ATXN1: variants seen among roughly 807,000 people sequenced by gnomAD.
The protein encoded by ATXN1 is ataxin 1.
ATXN1 carries 8 observed loss-of-function variants against 56.4 expected under a neutral mutation model. The ratio of observed to expected loss-of-function variants is 0.14; its 90% CI spans 0.08 to 0.26. ATXN1 has a LOEUF of 0.26. Ranked by LOEUF, ATXN1 falls within the 10% of genes least tolerant of loss-of-function variation. ATXN1 has a pLI of 1.00. For synonymous variants in ATXN1, 514 were observed against 494.6 expected (o/e 1.04, Z -0.52); for missense variants, 987 against 1,106.5 (o/e 0.89, Z 1.53).
intron 6 of ATXN1, among the ~76,000 whole-genome samples, chr6:16,335,589 A>C (rs1761101813): frequency 6.6e-6 from 1 of 152,244 alleles, no homozygotes; most frequent in Non-Finnish European, 1.5e-5. Flanking sequence ...ATCATGAATA[A>C]GGAAGGACAG....
chr6:16,585,656 T>C (rs1762608115), intron 4 of ATXN1, 124 bp downstream of exon 4: 1 of 152,200 alleles, frequency 6.6e-6, no homozygotes, highest in Non-Finnish European at 1.5e-5. Context: ...TCTACATGAA[T>C]AGACATGTGT....
At chr6:16,434,139 C>T (rs1759342515) in intron 6 of ATXN1, among the ~76,000 whole-genome samples, 1 of 152,196 alleles carries the variant, frequency 6.6e-6, no homozygotes, top group Non-Finnish European at 1.5e-5. Context: ...CATGTGCACA[C>T]ATCAAAACAG....
intron 6 of ATXN1, among the ~76,000 whole-genome samples, chr6:16,460,926 A>T (rs990804026): frequency 2.6e-5 from 4 of 152,382 alleles, no homozygotes; most frequent in Admixed American, 2.0e-4. Context: ...TGCTTATCTA[A>T]TCCTACATGC....
At chr6:16,649,246 T>C (rs1015643095) in intron 3 of ATXN1, among the ~76,000 whole-genome samples, 2 of 152,074 alleles carry the variant, frequency 1.3e-5, no homozygotes, top group African/African-American at 4.8e-5. Context: ...TATTTTTTTC[T>C]CTTTTGGTAT....
chr6:16,733,456 G>A (rs535077807), intron 2 of ATXN1, among the ~76,000 whole-genome samples: 10 of 152,030 alleles, frequency 6.6e-5, no homozygotes, highest in African/African-American at 2.2e-4. Context: ...CCAGCTAATC[G>A]GGAGGCTGAG....
intron 2 of ATXN1, among the ~76,000 whole-genome samples, chr6:16,724,938 G>A (rs1759818217): frequency 6.6e-6 from 1 of 152,148 alleles, no homozygotes; most frequent in South Asian, 2.1e-4. Context: ...ACTATTACCA[G>A]CTTCACCAGA....
At chr6:16,620,706 C>T (rs1581301792) in intron 3 of ATXN1, among the ~76,000 whole-genome samples, 1 of 152,188 alleles carries the variant, frequency 6.6e-6, no homozygotes, top group East Asian at 1.9e-4. Flanking sequence ...AGGCTTTAGC[C>T]CTCCATGGCA....
Position 16,306,695 on chromosome 6 carries a change from A to G in ATXN1, c.2082T>C (p.Ser694=), listed in dbSNP as rs2113373589. The part of the protein sequence containing the change: ...SLTLKNLKNG[S]VKKGQPVDPA... ...GATCCACGGGCTGGCCCTTTTTAAC[A>G]GAGCCGTTCTTCAGGTTCTTGAGGG... The change falls in exon 8 of 8, where the codon TCT becomes TCC. Residue 694 remains serine, a synonymous_variant. Coordinates refer to ENST00000436367, the MANE Select transcript of ATXN1 (RefSeq NM_001128164.2). The surrounding 1 kb of genome is among the most constrained non-coding windows in gnomAD (Gnocchi z 5.2). 6.2e-7 allele frequency: 1 copy of G among 1,614,208 alleles called. No homozygotes were observed. The highest frequency in any genetic ancestry group is 2.2e-5 in the East Asian group (1 of 44,884).
intron 5 of ATXN1, among the ~76,000 whole-genome samples, chr6:16,522,392 G>A (rs1473885964): frequency 1.3e-5 from 2 of 152,102 alleles, no homozygotes; most frequent in South Asian, 4.1e-4. Flanking sequence ...GACCTCGCAC[G>A]AGGCAAAGCA....
intron 4 of ATXN1, among the ~76,000 whole-genome samples, chr6:16,529,304 G>T (rs1291468312): frequency 6.6e-6 from 1 of 151,424 alleles, no homozygotes; most frequent in Admixed American, 6.6e-5. Context: ...TGCCCAACAG[G>T]TGCCAGGCAA....
At chr6:16,734,445 G>GA (rs1047036938) in intron 2 of ATXN1, among the ~76,000 whole-genome samples, 6 of 152,150 alleles carry the variant, frequency 3.9e-5, no homozygotes, top group African/African-American at 1.4e-4. Flanking sequence ...AAAAAGAAGA[G>GA]AAAAAGGAGA....
Position 16,593,897 on chromosome 6 carries a change from CTAAT to C in ATXN1, c.-488-7994_-488-7991del, listed in dbSNP as rs200076642. Among the ~76,000 whole-genome samples the C allele has an allele frequency of 6.3e-3, 920 of 145,898 alleles. 8 individuals are homozygous for C. The highest frequency in any genetic ancestry group is 0.022 in the African/African-American group (889 of 39,838). On this transcript the variant is annotated intron_variant, in intron 3 of 7. Coordinates refer to ENST00000436367, the MANE Select transcript of ATXN1 (RefSeq NM_001128164.2). ...TATATATATAAAGGTTCTCAATAGA[CTAAT>C]ATATATATATATTAGTCTGGAGAGA...
At chr6:16,435,356 C>A (rs1312685401) in intron 6 of ATXN1, among the ~76,000 whole-genome samples, 1 of 152,030 alleles carries the variant, frequency 6.6e-6, no homozygotes, top group Non-Finnish European at 1.5e-5. Flanking sequence ...TCTAGCAGAA[C>A]ACTTAAGTGG....
At chr6:16,341,799 G>A (rs1275199451) in intron 6 of ATXN1, among the ~76,000 whole-genome samples, 2 of 151,708 alleles carry the variant, frequency 1.3e-5, no homozygotes, top group African/African-American at 2.4e-5. Context: ...GATTATAGGC[G>A]TGAGCCACCG....
At chr6:16,601,995 T>G (rs543239168) in intron 3 of ATXN1, among the ~76,000 whole-genome samples, 1 of 152,196 alleles carries the variant, frequency 6.6e-6, no homozygotes, top group Non-Finnish European at 1.5e-5. Context: ...TCTCAAATCA[T>G]AAATCTTAAA....
At chr6:16,743,916 T>C (rs1242529471) in intron 2 of ATXN1, among the ~76,000 whole-genome samples, 1 of 152,008 alleles carries the variant, frequency 6.6e-6, no homozygotes, top group African/African-American at 2.4e-5. Context: ...GCTGGAGAGA[T>C]AAGGAAGGTC....
chr6:16,322,524 A>G (rs1760678592), intron 7 of ATXN1, among the ~76,000 whole-genome samples: 2 of 152,054 alleles, frequency 1.3e-5, no homozygotes, highest in Non-Finnish European at 2.9e-5. Flanking sequence ...AACTTCCCCA[A>G]TCAAATTTGT....
Position 16,327,678 on chromosome 6 carries a change from A to ATGCTGCTGC in ATXN1, c.632_633insGCAGCAGCA (p.Gln210_His211insGlnGlnGln), listed in dbSNP as rs1554138052. The ATGCTGCTGC allele has an allele frequency of 1.2e-4, 122 of 1,011,252 alleles. No homozygotes were observed. The African/African-American group carries it at 1.3e-3, about 11-fold the overall frequency. The allele number at this position is 1,011,252 out of a possible 1,614,324, so 62.6% of individuals were successfully genotyped here. A position where few individuals can be genotyped will look rare whatever the true frequency, so the allele number is the denominator to read the frequency against. ...GCTGCTGCTGCTGCTGCTGCTGCTG[A>ATGCTGCTGC]TGCTGATGCTGCTGCTGCTGCTGCT... is the stretch of plus-strand genomic sequence containing the variant. On this transcript the variant is annotated inframe_insertion, in exon 7 of 8. Coordinates refer to ENST00000436367, the MANE Select transcript of ATXN1 (RefSeq NM_001128164.2).
intron 5 of ATXN1, among the ~76,000 whole-genome samples, chr6:16,513,795 G>A (rs371599550): frequency 1.3e-5 from 2 of 152,050 alleles, no homozygotes; most frequent in African/African-American, 4.8e-5. Flanking sequence ...GGGAGGGAGG[G>A]AGACAGTGAC....
Sources: allele counts gnomAD v4.1 joint callset (sites outside exome capture counted in the v4.1 genomes callset), GRCh38; gene constraint gnomAD v4.1.1; non-coding constraint Gnocchi (gnomAD v3.1); transcripts MANE v1.5; gene names NCBI Gene and HGNC (gene_info 2026-07-23, HGNC 2026-07-21).